The following AUTS2 variants were observed in gnomAD, a reference collection of about 807,000 sequenced individuals.
The protein encoded by AUTS2 is activator of transcription and developmental regulator AUTS2, also known as autism susceptibility gene 2 protein.
In AUTS2, 17 loss-of-function variants were observed where a neutral mutation model predicts 112.4. The ratio of observed to expected loss-of-function variants is 0.15; its 90% CI spans 0.10 to 0.23. The LOEUF (loss-of-function observed/expected upper bound fraction) is 0.23. AUTS2 is among the 10% of genes least tolerant of loss of function. The pLI, the probability that AUTS2 is intolerant of heterozygous loss-of-function variation, is 1.00. For missense variants in AUTS2, 1,510 were observed against 1,701.6 expected (o/e 0.89, Z 1.98); for synonymous variants, 751 against 702.7 (o/e 1.07, Z -1.09).
At chr7:70,415,520 C>T (rs1794952752) in intron 4 of AUTS2, among the ~76,000 whole-genome samples, 1 of 152,196 alleles carries the variant, frequency 6.6e-6, no homozygotes, top group South Asian at 2.1e-4. Context: ...AAAACACATA[C>T]AGTATTTTAA....
chr7:70,612,250 T>C (rs990305976), intron 5 of AUTS2, among the ~76,000 whole-genome samples: 1 of 152,228 alleles, frequency 6.6e-6, no homozygotes, highest in Admixed American at 6.5e-5. Flanking sequence ...GACTGTTTAA[T>C]AGTTGCAGTT....
rs144179557 is a variant in AUTS2 at position 70,058,342 on chromosome 7, G to A, written c.523-59790G>A. The stretch of plus-strand genomic sequence containing the variant: ...AACAATTCATGGCCTCCTTTTATCG[G>A]TTGAGTAGCATTGAGGCCTCATAAA... On this transcript the variant is annotated intron_variant, in intron 2 of 18. Coordinates refer to ENST00000342771, the MANE Select transcript of AUTS2 (RefSeq NM_015570.4). 1.1e-4 allele frequency among the ~76,000 whole-genome samples: 17 copies of A among 152,230 alleles called. No homozygotes were observed. The East Asian group carries it at 3.3e-3, about 29-fold the overall frequency.
intron 2 of AUTS2, among the ~76,000 whole-genome samples, chr7:70,102,023 A>G (rs1804523520): frequency 6.6e-6 from 1 of 152,072 alleles, no homozygotes; most frequent in South Asian, 2.1e-4. Flanking sequence ...TATTCGTTCA[A>G]CCGTAACATT....
At chr7:69,938,904 T>C (rs17141032) in intron 2 of AUTS2, among the ~76,000 whole-genome samples, 13,043 of 152,224 alleles carry the variant, frequency 0.086, 736 homozygotes, top group African/African-American at 0.15. Context: ...GAATGGTGAC[T>C]TGGGAAGATG....
At chr7:70,521,983 C>T (rs1433949685) in intron 5 of AUTS2, among the ~76,000 whole-genome samples, 1 of 152,082 alleles carries the variant, frequency 6.6e-6, no homozygotes, top group East Asian at 1.9e-4. Flanking sequence ...GTTCTTATTA[C>T]AGTGGTTAGG....
intron 4 of AUTS2, among the ~76,000 whole-genome samples, chr7:70,374,749 C>A (rs1365331446): frequency 3.9e-5 from 6 of 152,206 alleles, no homozygotes; most frequent in Non-Finnish European, 5.9e-5. Context: ...TTTCCACTTA[C>A]AGTAACTAAG....
intron 5 of AUTS2, among the ~76,000 whole-genome samples, chr7:70,696,674 A>AACACACACACAC (rs35577599): frequency 2.7e-5 from 4 of 150,156 alleles, no homozygotes; most frequent in African/African-American, 9.8e-5. Context: ...TTTTCACTCG[A>AACACACACACAC]ACACACACAC....
chr7:70,374,665 C>T (rs902509674), intron 4 of AUTS2, among the ~76,000 whole-genome samples: 1 of 152,136 alleles, frequency 6.6e-6, no homozygotes, highest in African/African-American at 2.4e-5. Flanking sequence ...TATTTTCCTT[C>T]TAAAAAGTAT....
At chr7:70,665,972 A>G (rs10254492) in intron 5 of AUTS2, among the ~76,000 whole-genome samples, 37,106 of 152,130 alleles carry the variant, frequency 0.24, 5,712 homozygotes, top group African/African-American at 0.43. Context: ...AGGAGTCAGC[A>G]TCAAGAAGGG....
rs1235960225 is a variant in AUTS2, at chr7:70,424,573, GT to G, written c.661-11176del. ...GTTGTCAGGATTCTTGGTGTTTTTTGTTTGTTTGTTTGTTTCTTTGTTTGTT... is the reference window on the plus strand; with the variant it reads ...GTTGTCAGGATTCTTGGTGTTTTTTGTTGTTTGTTTGTTTCTTTGTTTGTT... On this transcript the variant is annotated intron_variant, in intron 4 of 18. Coordinates refer to ENST00000342771, the MANE Select transcript of AUTS2 (RefSeq NM_015570.4). 2.6e-5 allele frequency among the ~76,000 whole-genome samples: 4 copies of G among 151,932 alleles called. No individual in the cohort carries two copies. In the East Asian group the frequency reaches 7.8e-4, roughly 29 times the overall value.
intron 1 of AUTS2, among the ~76,000 whole-genome samples, chr7:69,876,839 A>G (rs1222078169): frequency 6.6e-6 from 1 of 152,020 alleles, no homozygotes; most frequent in Non-Finnish European, 1.5e-5. Context: ...GTGAGCAGGT[A>G]TTATCACATC....
Position 70,302,215 on chromosome 7 carries a change from AG to A in AUTS2, c.661-133536del, listed in dbSNP as rs1380757735. Among the ~76,000 whole-genome samples, 4 of 152,276 alleles carry A rather than the reference AG, an allele frequency of 2.6e-5. No individual in the cohort carries two copies. The East Asian group carries it at 5.8e-4, about 22-fold the overall frequency. ...CGCTTGAGCTGAGGAGTTCGAGACT[AG>A]CCTGGGCAACATAGCAAGACCTTGT... On this transcript the variant is annotated intron_variant, in intron 4 of 18. Coordinates refer to ENST00000342771, the MANE Select transcript of AUTS2 (RefSeq NM_015570.4).
intron 2 of AUTS2, among the ~76,000 whole-genome samples, chr7:70,055,409 G>A (rs1801947302): frequency 6.6e-6 from 1 of 151,946 alleles, no homozygotes; most frequent in African/African-American, 2.4e-5. Context: ...ATTCCAGCCT[G>A]GACAACAAGA....
chr7:70,617,948 TC>T (rs1804466289), intron 5 of AUTS2, among the ~76,000 whole-genome samples: 1 of 152,204 alleles, frequency 6.6e-6, no homozygotes, highest in African/African-American at 2.4e-5. Flanking sequence ...TGATTGTCTT[TC>T]TGCTTCACAT....
At chr7:70,343,569 C>T (rs556653776) in intron 4 of AUTS2, among the ~76,000 whole-genome samples, 13 of 152,022 alleles carry the variant, frequency 8.6e-5, no homozygotes, top group South Asian at 2.1e-4. Context: ...TTCTGGAAGA[C>T]GGGTGATGGA....
Position 70,609,385 on chromosome 7 carries a change from G to A in AUTS2, c.691-89184G>A, listed in dbSNP as rs182539429. Among the ~76,000 whole-genome samples the A allele has an allele frequency of 2.8e-4, 42 of 149,856 alleles. 1 individual carries two copies. In the East Asian group the frequency reaches 8.0e-3, roughly 29 times the overall value. On this transcript the variant is annotated intron_variant, in intron 5 of 18. Transcript: ENST00000342771. ...TTCATCCATGTTGTCCCAGAGGACA[G>A]GATTGTCTTTTTTTTTTTTTTTTTT... is the stretch of plus-strand genomic sequence containing the variant.
chr7:70,430,226 G>A (rs1030369620), intron 4 of AUTS2, among the ~76,000 whole-genome samples: 3 of 152,194 alleles, frequency 2.0e-5, no homozygotes, highest in Non-Finnish European at 4.4e-5. Context: ...TGATTGCTTG[G>A]TGATGCTATT....
At chr7:69,885,439 T>C (rs1224160435) in intron 1 of AUTS2, among the ~76,000 whole-genome samples, 3 of 152,228 alleles carry the variant, frequency 2.0e-5, no homozygotes, top group Non-Finnish European at 2.9e-5. Flanking sequence ...GGAGTTCGGC[T>C]ATTTGACTTA....
Position 69,641,461 on chromosome 7 carries a change from T to C in AUTS2, c.309+41499T>C, listed in dbSNP as rs569872875. On this transcript the variant is annotated intron_variant, in intron 1 of 18. Coordinates refer to ENST00000342771, the MANE Select transcript of AUTS2 (RefSeq NM_015570.4). ...ATAATCTGCTTTGTATGTGAATTAC[T>C]TGAGGGCAGGATAGAGTTGTCTTTG... 2.0e-5 allele frequency among the ~76,000 whole-genome samples: 3 copies of C among 151,738 alleles called. No homozygotes were observed. In the South Asian group the frequency reaches 6.2e-4, roughly 31 times the overall value.
Sources: gnomAD v4.1 joint callset for allele counts (sites outside exome capture counted in the v4.1 genomes callset) on GRCh38, gnomAD v4.1.1 for gene constraint, MANE v1.5 for transcripts, NCBI Gene and HGNC (gene_info 2026-07-23, HGNC 2026-07-21) for gene names.